ATRX: variants seen among roughly 807,000 people sequenced by gnomAD.
ATRX encodes ATRX chromatin remodeler, also known as chromatin remodeler ATRX.
In ATRX, 12 loss-of-function variants were observed where a neutral mutation model predicts 172.6. The observed-to-expected ratio is 0.07, with a 90% CI of 0.04 to 0.11. The LOEUF (loss-of-function observed/expected upper bound fraction) is 0.11. ATRX is among the 10% of genes least tolerant of loss of function. The pLI is 1.00. For synonymous variants in ATRX, 674 were observed against 594.7 expected (o/e 1.13, Z -1.94); for missense variants, 1,368 against 1,767.4 (o/e 0.77, Z 4.05).
At chrX:77,679,927 T>C (rs1259913151) in intron 9 of ATRX, among the ~76,000 whole-genome samples, 3 of 111,983 alleles carry the variant, frequency 2.7e-5, no homozygotes. Flanking sequence ...AAAGTAAATA[T>C]TAGATTCTGT....
At chrX:77,573,125 A>G (rs2065475657) in intron 28 of ATRX, among the ~76,000 whole-genome samples, 1 of 112,208 alleles carries the variant, frequency 8.9e-6, no homozygotes, top group South Asian at 3.6e-4. Context: ...CATGTGCCAC[A>G]TAATGTGTTG....
intron 1 of ATRX, among the ~76,000 whole-genome samples, chrX:77,742,737 GGTGA>G (rs1435953408): frequency 6.3e-5 from 7 of 111,469 alleles, no homozygotes; most frequent in Admixed American, 3.8e-4. Flanking sequence ...TATGGGAGAG[GGTGA>G]GTATTTTTCT....
intron 2 of ATRX, among the ~76,000 whole-genome samples, chrX:77,711,714 A>T (rs1569541985): frequency 1.8e-5 from 2 of 112,054 alleles, no homozygotes; most frequent in African/African-American, 3.2e-5. Flanking sequence ...AGGTGCCTGT[A>T]ATCCCAGCTA....
intron 22 of ATRX, among the ~76,000 whole-genome samples, chrX:77,603,537 T>TTA (rs1557088466): frequency 9.3e-6 from 1 of 107,423 alleles, no homozygotes; most frequent in Non-Finnish European, 1.9e-5. Context: ...GGCTAATTTT[T>TTA]TTTTTTTTTT....
intron 16 of ATRX, 74 bp downstream of exon 16, chrX:77,635,841 G>T (rs2148356592): frequency 1.0e-6 from 1 of 995,980 alleles, no homozygotes; most frequent in Admixed American, 2.7e-5. Context: ...AGCAGGATGT[G>T]AGGCAGCTGC....
At position 77,683,731 on chromosome X, in the gene ATRX, T is replaced by C; in HGVS notation, c.1525A>G (p.Thr509Ala). 8.3e-7 allele frequency: 1 copy of C among 1,210,807 alleles called. No individual in the cohort carries two copies. The highest frequency in any genetic ancestry group is 1.1e-6 in the Non-Finnish European group (1 of 895,009). The change falls in exon 9 of 35, where the codon ACT becomes GCT. Residue 509 changes from threonine to alanine, a missense_variant. Around this residue, in one of 17 missense-constraint regions of ATRX, gnomAD observed 843 missense variants for 643.1 expected, o/e 1.31. Transcript: ENST00000373344. ...KEEPQYEPAN[T>A]SEDLDMDIVS... ...ATATCCATGTCTAAATCTTCAGAAG[T>C]GTTGGCAGGTTCATATTGAGGTTCT...
intron 6 of ATRX, 80 bp downstream of exon 6, chrX:77,693,744 T>C: frequency 1.3e-6 from 1 of 781,256 alleles, no homozygotes; most frequent in Non-Finnish European, 2.0e-6. Context: ...AGTGGAGGTA[T>C]TTTTAGTAAG....
chrX:77,677,041 G>A (rs935000800), intron 9 of ATRX, among the ~76,000 whole-genome samples: 1 of 109,234 alleles, frequency 9.2e-6, no homozygotes, highest in Admixed American at 9.8e-5. Flanking sequence ...AGAATCACTT[G>A]AACCTGGGAG....
chrX:77,616,031 A>G (rs543000354), intron 22 of ATRX: 21 of 751,330 alleles, frequency 2.8e-5, no homozygotes, highest in Non-Finnish European at 3.0e-5. Context: ...CACACACACA[A>G]AAAGCTTATT....
At chrX:77,662,664 A>G (rs1198060957) in intron 12 of ATRX, among the ~76,000 whole-genome samples, 1 of 111,649 alleles carries the variant, frequency 9.0e-6, no homozygotes, top group Non-Finnish European at 1.9e-5. Context: ...TAAGTGGTCA[A>G]CTGTTTGAGC....
intron 1 of ATRX, among the ~76,000 whole-genome samples, chrX:77,761,522 G>A (rs190533433): frequency 1.2e-4 from 13 of 111,265 alleles, no homozygotes; most frequent in South Asian, 3.8e-4. Context: ...AGGCAACAGC[G>A]AGAGACCCTG....
intron 2 of ATRX, among the ~76,000 whole-genome samples, chrX:77,712,375 CT>C (rs1472367802): frequency 2.7e-5 from 3 of 112,296 alleles, no homozygotes; most frequent in African/African-American, 9.7e-5. Context: ...AGTTCCTCAA[CT>C]AGTGAACACA....
intron 30 of ATRX, among the ~76,000 whole-genome samples, chrX:77,538,095 AC>A (rs1302922126): frequency 9.1e-6 from 1 of 110,321 alleles, no homozygotes; most frequent in Non-Finnish European, 1.9e-5. Context: ...TGGGCTTAAT[AC>A]TTAGGTGTTG....
At chrX:77,703,569 C>G (rs2072653732) in intron 2 of ATRX, among the ~76,000 whole-genome samples, 1 of 112,449 alleles carries the variant, frequency 8.9e-6, no homozygotes, top group South Asian at 3.7e-4. Flanking sequence ...AGTCACAGCC[C>G]TGGCTTGGGG....
At chrX:77,613,190 A>G (rs1602835604) in intron 22 of ATRX, among the ~76,000 whole-genome samples, 2 of 110,834 alleles carry the variant, frequency 1.8e-5, no homozygotes, top group African/African-American at 6.5e-5. Context: ...TAGTAGCCAC[A>G]TCATCTGACA....
chrX:77,765,824 C>T (rs1423743317), intron 1 of ATRX, among the ~76,000 whole-genome samples: 1 of 108,901 alleles, frequency 9.2e-6, no homozygotes, highest in African/African-American at 3.3e-5. Context: ...TTTTCCTAGG[C>T]AGAGGACCCT....
At chrX:77,621,317 CTTTTT>C (rs1205130569) in intron 19 of ATRX, among the ~76,000 whole-genome samples, 4 of 109,795 alleles carry the variant, frequency 3.6e-5, no homozygotes, top group Admixed American at 9.7e-5. Context: ...CTTTTCTTTT[CTTTTT>C]TATTTGAGAT....
chrX:77,689,365 T>C (rs1389199927), intron 6 of ATRX, among the ~76,000 whole-genome samples: 2 of 112,281 alleles, frequency 1.8e-5, no homozygotes, highest in African/African-American at 3.2e-5. Flanking sequence ...CTCATTGGAA[T>C]TGTCTGCACA....
At chrX:77,656,688 A>G in intron 12 of ATRX, 35 bp from the exon 13 acceptor site, 2 of 1,061,118 alleles carry the variant, frequency 1.9e-6, no homozygotes, top group Non-Finnish European at 1.3e-6. Context: ...ATTATTAATT[A>G]TTTTTCAATA....
Sources: gnomAD v4.1 joint callset for allele counts (sites outside exome capture counted in the v4.1 genomes callset) on GRCh38, gnomAD v4.1.1 for gene constraint, gnomAD v4.1.1 regional missense constraint, MANE v1.5 for transcripts, NCBI Gene and HGNC (gene_info 2026-07-23, HGNC 2026-07-21) for gene names.